Variants in TRIO observed in about 807,000 individuals in gnomAD.
TRIO encodes the protein trio Rho guanine nucleotide exchange factor, also known as triple functional domain protein.
TRIO carries 58 observed loss-of-function variants against 351.9 expected under a neutral mutation model. The observed-to-expected ratio is 0.16, with a 90% CI of 0.13 to 0.21. The LOEUF is 0.21. TRIO is among the 10% of genes least tolerant of loss of function. The pLI, the probability that TRIO is intolerant of heterozygous loss-of-function variation, is 1.00. For missense variants in TRIO, 3,201 were observed against 4,027.8 expected (o/e 0.79, Z 5.56); for synonymous variants, 1,758 against 1,595.7 (o/e 1.10, Z -2.42).
At chr5:14,343,685 C>T (rs574134313) in intron 11 of TRIO, among the ~76,000 whole-genome samples, 12 of 152,126 alleles carry the variant, frequency 7.9e-5, no homozygotes, top group East Asian at 3.9e-4. Context: ...AGTTATTTTC[C>T]GTTTTTGGCT....
chr5:14,316,068 C>A (rs1739357618), intron 8 of TRIO, among the ~76,000 whole-genome samples: 1 of 152,080 alleles, frequency 6.6e-6, no homozygotes, highest in African/African-American at 2.4e-5. Flanking sequence ...CAATTTTGTT[C>A]CATTGTGATG....
chr5:14,259,810 A>C (rs768654247), intron 1 of TRIO, among the ~76,000 whole-genome samples: 4 of 151,766 alleles, frequency 2.6e-5, no homozygotes, highest in Middle Eastern at 3.4e-3. Context: ...GAGTTGTCAT[A>C]ATAGTAACAG....
At chr5:14,349,533 C>T (rs904461003) in intron 11 of TRIO, among the ~76,000 whole-genome samples, 1 of 152,134 alleles carries the variant, frequency 6.6e-6, no homozygotes, top group Admixed American at 6.5e-5. Flanking sequence ...TGTGCTCTTC[C>T]CTTAGGAATT....
chr5:14,277,611 C>T (rs575591295), intron 2 of TRIO, among the ~76,000 whole-genome samples: 1 of 152,332 alleles, frequency 6.6e-6, no homozygotes, highest in East Asian at 1.9e-4. Context: ...TTTTTATGAA[C>T]TGCAGTGCTG....
chr5:14,283,309 G>A (rs1581523547), intron 3 of TRIO, among the ~76,000 whole-genome samples: 2 of 152,316 alleles, frequency 1.3e-5, no homozygotes, highest in Middle Eastern at 3.4e-3. Context: ...TCCCAGATTT[G>A]AAGGCAGCCC....
At chr5:14,324,184 A>G (rs1740161352) in intron 9 of TRIO, among the ~76,000 whole-genome samples, 2 of 152,168 alleles carry the variant, frequency 1.3e-5, no homozygotes, top group African/African-American at 4.8e-5. Flanking sequence ...GGCAGGGAGG[A>G]AATCTTTATT....
intron 10 of TRIO, among the ~76,000 whole-genome samples, 173 bp downstream of exon 10, chr5:14,331,073 G>A: frequency 6.6e-6 from 1 of 152,250 alleles, no homozygotes; most frequent in East Asian, 1.9e-4. Flanking sequence ...GCAGAAACAT[G>A]ATTTGGTAAG....
intron 53 of TRIO, among the ~76,000 whole-genome samples, chr5:14,499,823 G>T (rs952673000): frequency 1.8e-4 from 28 of 151,764 alleles, no homozygotes; most frequent in African/African-American, 6.1e-4. Flanking sequence ...AGGCCGAGGT[G>T]GGTGGATCAC....
intron 55 of TRIO, among the ~76,000 whole-genome samples, chr5:14,506,677 G>A (rs373876235): frequency 6.6e-5 from 10 of 152,190 alleles, no homozygotes; most frequent in African/African-American, 2.2e-4. Flanking sequence ...TGAGCACTCA[G>A]TGTGTCACCT....
At chr5:14,498,732 G>C in intron 53 of TRIO, 92 bp downstream of exon 53, 7 of 1,553,802 alleles carry the variant, frequency 4.5e-6, no homozygotes, top group Non-Finnish European at 6.1e-6. Context: ...TACACTCCAA[G>C]TGGCCTGAAA....
intron 1 of TRIO, among the ~76,000 whole-genome samples, chr5:14,236,963 C>T (rs1340065501): frequency 6.6e-6 from 1 of 152,164 alleles, no homozygotes; most frequent in African/African-American, 2.4e-5. Flanking sequence ...AGCTTCTCAG[C>T]CTCTCCTGTT....
intron 10 of TRIO, among the ~76,000 whole-genome samples, chr5:14,332,250 AACAGCTTTT>A (rs1740970670): frequency 6.6e-6 from 1 of 152,220 alleles, no homozygotes; most frequent in African/African-American, 2.4e-5. Flanking sequence ...CATTTCTGTC[AACAGCTTTT>A]CGTATGTGCC....
At chr5:14,162,381 C>T (rs1788518782) in intron 1 of TRIO, among the ~76,000 whole-genome samples, 1 of 152,172 alleles carries the variant, frequency 6.6e-6, no homozygotes. Context: ...GAACAGATGG[C>T]TTGTAATTTA....
intron 10 of TRIO, among the ~76,000 whole-genome samples, chr5:14,331,564 T>C (rs62344976): frequency 0.078 from 11,843 of 152,230 alleles, 635 homozygotes; most frequent in African/African-American, 0.16. Context: ...ATTTATTATA[T>C]AGAACAGTTC....
chr5:14,283,318 C>T (rs143281487), intron 3 of TRIO, among the ~76,000 whole-genome samples: 23 of 152,270 alleles, frequency 1.5e-4, no homozygotes, highest in African/African-American at 5.1e-4. Flanking sequence ...TGAAGGCAGC[C>T]CTTCGGCCAT....
At chr5:14,234,210 G>A (rs1793639145) in intron 1 of TRIO, among the ~76,000 whole-genome samples, 1 of 152,208 alleles carries the variant, frequency 6.6e-6, no homozygotes. Flanking sequence ...CCCATAGGGA[G>A]ATAGTGGTAG....
chr5:14,441,577 G>A (rs1752053453), intron 34 of TRIO, among the ~76,000 whole-genome samples: 1 of 152,244 alleles, frequency 6.6e-6, no homozygotes, highest in Admixed American at 6.5e-5. Flanking sequence ...ACTGGGAACA[G>A]AGCACTGCAC....
intron 20 of TRIO, among the ~76,000 whole-genome samples, chr5:14,380,203 C>G (rs1280952887): frequency 6.6e-6 from 1 of 152,200 alleles, no homozygotes; most frequent in Non-Finnish European, 1.5e-5. Context: ...CTCCGTGTCC[C>G]TCTTGTCTTA....
chr5:14,395,995 G>A (rs1363662538), intron 28 of TRIO, among the ~76,000 whole-genome samples: 3 of 140,700 alleles, frequency 2.1e-5, no homozygotes, highest in Non-Finnish European at 3.0e-5. Context: ...GCAGTGAGCC[G>A]AGATCACGCC....
Sources: gnomAD v4.1 joint callset for allele counts (sites outside exome capture counted in the v4.1 genomes callset) on GRCh38, gnomAD v4.1.1 for gene constraint, MANE v1.5 for transcripts, NCBI Gene and HGNC (gene_info 2026-07-23, HGNC 2026-07-21) for gene names.